CDKAL1: variants seen among roughly 807,000 people sequenced by gnomAD.
CDKAL1 encodes the protein threonylcarbamoyladenosine tRNA methylthiotransferase.
CDKAL1 carries 32 observed loss-of-function variants against 68.2 expected under a neutral mutation model. That is an observed-to-expected ratio of 0.47 (90% CI 0.35 to 0.63). The LOEUF is 0.63. CDKAL1 is among the 30% of genes least tolerant of loss of function. The probability of loss-of-function intolerance (pLI) is 0.00; values close to 1 mark genes in which losing one functional copy is unlikely to be tolerated. For missense variants in CDKAL1, 606 were observed against 696.7 expected (o/e 0.87, Z 1.47); for synonymous variants, 234 against 244.3 (o/e 0.96, Z 0.39).
chr6:20,556,895 G>A (rs898946904), intron 4 of CDKAL1, among the ~76,000 whole-genome samples: 6 of 151,648 alleles, frequency 4.0e-5, no homozygotes, highest in South Asian at 2.1e-4. Context: ...AAAATTAGCC[G>A]GGCATGGTGG....
rs995223176 is a variant in CDKAL1 at position 21,154,943 on chromosome 6, A to G, written c.1300-43078A>G. The stretch of plus-strand genomic sequence containing the variant: ...AGGAGGCGGAGGTTTCAGTGAGCCG[A>G]TTGTGCCACTGCACTCCAGCCTGGC... On this transcript the variant is annotated intron_variant, in intron 13 of 15. Transcript: ENST00000274695. 2.6e-5 allele frequency among the ~76,000 whole-genome samples: 4 copies of G among 151,774 alleles called. No homozygotes were observed. The East Asian group carries it at 5.8e-4, about 22-fold the overall frequency.
intron 4 of CDKAL1, among the ~76,000 whole-genome samples, chr6:20,613,679 T>C (rs1481463696): frequency 6.7e-6 from 1 of 149,106 alleles, no homozygotes; most frequent in Non-Finnish European, 1.5e-5. Flanking sequence ...ATATAATATA[T>C]ATTATTTAGC....
intron 11 of CDKAL1, among the ~76,000 whole-genome samples, chr6:21,040,593 A>G (rs1178267567): frequency 7.9e-5 from 12 of 152,310 alleles, no homozygotes; most frequent in Non-Finnish European, 1.8e-4. Context: ...AAAAATTCGT[A>G]TTTAATTTAG....
intron 11 of CDKAL1, among the ~76,000 whole-genome samples, chr6:21,005,415 G>A (rs923511378): frequency 1.3e-5 from 2 of 152,130 alleles, no homozygotes; most frequent in South Asian, 2.1e-4. Context: ...AATATCCTAC[G>A]GATAGATATT....
intron 4 of CDKAL1, among the ~76,000 whole-genome samples, chr6:20,589,022 C>A (rs1354959447): frequency 6.6e-6 from 1 of 152,056 alleles, no homozygotes; most frequent in Non-Finnish European, 1.5e-5. Context: ...TTAAAAATAT[C>A]ACTACAAAAA....
chr6:20,578,334 A>C (rs976221000), intron 4 of CDKAL1, among the ~76,000 whole-genome samples: 4 of 151,872 alleles, frequency 2.6e-5, no homozygotes, highest in African/African-American at 9.7e-5. Context: ...CCTCTCTCCC[A>C]TCAACCCTCC....
intron 11 of CDKAL1, among the ~76,000 whole-genome samples, chr6:21,057,873 G>C (rs982028401): frequency 2.6e-5 from 4 of 152,198 alleles, no homozygotes; most frequent in African/African-American, 9.6e-5. Flanking sequence ...TGTGGTCTAA[G>C]AGACTGTTTG....
intron 13 of CDKAL1, among the ~76,000 whole-genome samples, chr6:21,163,249 C>G (rs959502832): frequency 2.6e-5 from 4 of 152,176 alleles, no homozygotes; most frequent in Non-Finnish European, 5.9e-5. Context: ...TTCCTGAGTT[C>G]TCGTTCATGA....
At chr6:21,032,572 A>G (rs78473712) in intron 11 of CDKAL1, among the ~76,000 whole-genome samples, 4,158 of 152,280 alleles carry the variant, frequency 0.027, 192 homozygotes, top group African/African-American at 0.091. Context: ...ATTTCAGTCA[A>G]TGACAGACTG....
At chr6:20,580,517 G>T (rs1370900048) in intron 4 of CDKAL1, among the ~76,000 whole-genome samples, 1 of 152,056 alleles carries the variant, frequency 6.6e-6, no homozygotes, top group East Asian at 1.9e-4. Context: ...TGGACTGTGA[G>T]TCTTCTCTAG....
chr6:20,695,323 A>G (rs1771062053), intron 5 of CDKAL1, among the ~76,000 whole-genome samples: 1 of 152,148 alleles, frequency 6.6e-6, no homozygotes, highest in South Asian at 2.1e-4. Context: ...CTGATAGTTT[A>G]TTATTTGTTG....
rs70990080 is a variant in CDKAL1 at position 20,913,116 on chromosome 6, T to TACACACACAC, written c.743-42269_743-42260dup. Reference sequence around the variant, plus strand: ...ATAGAACCATTGAACCACAGTTGTTTACACACACACACACACACACACACA... The same window carrying TACACACACAC: ...ATAGAACCATTGAACCACAGTTGTTTACACACACACACACACACACACACACACACACACA... On this transcript the variant is annotated intron_variant, in intron 9 of 15. Transcript: ENST00000274695. 9.8e-3 allele frequency among the ~76,000 whole-genome samples: 1,342 copies of TACACACACAC among 136,496 alleles called. 12 individuals are homozygous for TACACACACAC. Among genetic ancestry groups the TACACACACAC allele is most frequent in the African/African-American group, 0.027 (958 of 35,210 alleles). The allele number at this position is 136,496 out of a possible 152,430, so 89.5% of individuals were successfully genotyped here. A position where few individuals can be genotyped will look rare whatever the true frequency, so the allele number is the denominator to read the frequency against.
intron 15 of CDKAL1, among the ~76,000 whole-genome samples, chr6:21,224,524 TAAAC>T (rs911737383): frequency 1.3e-5 from 2 of 151,606 alleles, no homozygotes; most frequent in Non-Finnish European, 2.9e-5. Context: ...AAAATAATAA[TAAAC>T]AATAACAATA....
At chr6:21,118,207 A>G (rs1360468765) in intron 13 of CDKAL1, among the ~76,000 whole-genome samples, 3 of 152,210 alleles carry the variant, frequency 2.0e-5, no homozygotes, top group Non-Finnish European at 4.4e-5. Context: ...ATTGAGACAT[A>G]CTGAGAAACA....
At chr6:21,020,228 A>AT (rs1323682684) in intron 11 of CDKAL1, among the ~76,000 whole-genome samples, 2 of 151,922 alleles carry the variant, frequency 1.3e-5, no homozygotes, top group African/African-American at 2.4e-5. Flanking sequence ...TGGAGAAGTT[A>AT]TTTTTTTCTC....
chr6:21,170,251 G>T (rs563481914), intron 13 of CDKAL1, among the ~76,000 whole-genome samples: 17 of 152,278 alleles, frequency 1.1e-4, no homozygotes, highest in Admixed American at 7.8e-4. Context: ...TAATACATGG[G>T]TTAGGAAGAA....
At chr6:21,102,401 C>A (rs900747828) in intron 12 of CDKAL1, among the ~76,000 whole-genome samples, 1 of 152,146 alleles carries the variant, frequency 6.6e-6, no homozygotes, top group Non-Finnish European at 1.5e-5. Context: ...GCCTTAGCGT[C>A]GTCCACATCC....
chr6:20,787,743 A>C (rs2150385753), intron 8 of CDKAL1, among the ~76,000 whole-genome samples: 1 of 152,356 alleles, frequency 6.6e-6, no homozygotes, highest in Middle Eastern at 3.4e-3. Flanking sequence ...AGTACTAACC[A>C]AACTGTGTTC....
intron 4 of CDKAL1, among the ~76,000 whole-genome samples, chr6:20,576,518 G>T (rs1764913718): frequency 6.6e-6 from 1 of 152,142 alleles, no homozygotes. Context: ...AGATTTTGTG[G>T]TAAAGCAATT....
Sources: allele counts gnomAD v4.1 joint callset (sites outside exome capture counted in the v4.1 genomes callset), GRCh38; gene constraint gnomAD v4.1.1; transcripts MANE v1.5; gene names NCBI Gene and HGNC (gene_info 2026-07-23, HGNC 2026-07-21).